PPP2R2D: variants seen among roughly 807,000 people sequenced by gnomAD.
The protein encoded by PPP2R2D is serine/threonine-protein phosphatase 2A 55 kDa regulatory subunit B delta isoform.
In PPP2R2D, 9 loss-of-function variants were observed where a neutral mutation model predicts 31.1. The observed-to-expected ratio is 0.29, with a 90% CI of 0.17 to 0.51. The LOEUF (loss-of-function observed/expected upper bound fraction) is 0.51. PPP2R2D is among the 20% of genes least tolerant of loss of function. The probability of loss-of-function intolerance (pLI) is 0.98; values close to 1 mark genes in which losing one functional copy is unlikely to be tolerated. For synonymous variants in PPP2R2D, 179 were observed against 172.6 expected (o/e 1.04, Z -0.29); for missense variants, 391 against 465.6 (o/e 0.84, Z 1.48).
At chr10:131,962,965 C>G (rs1028918154), downstream of PPP2R2D, among the ~76,000 whole-genome samples, 5 of 152,192 alleles carry the variant, frequency 3.3e-5, no homozygotes, top group Non-Finnish European at 7.3e-5. Context: ...GAGTTCAAGA[C>G]CAGCCTGGCC....
In PPP2R2D at chr10:131,945,161, T is replaced by C; in HGVS notation, c.656-134T>C. The C allele has an allele frequency of 9.5e-7, 1 of 1,047,890 alleles. No individual in the cohort carries two copies. The highest frequency in any genetic ancestry group is 3.0e-5 in the Admixed American group (1 of 32,992). The allele number at this position is 1,047,890 out of a possible 1,614,324, so 64.9% of individuals were successfully genotyped here. A position where few individuals can be genotyped will look rare whatever the true frequency, so the allele number is the denominator to read the frequency against. ...GCGCTCCTTTGGAATTCGGGATGTGTAACCAGCCTTCTTAATAGCTAATCC... is the reference window on the plus strand; with the variant it reads ...GCGCTCCTTTGGAATTCGGGATGTGCAACCAGCCTTCTTAATAGCTAATCC... On this transcript the variant is annotated intron_variant, in intron 6 of 8. Transcript: ENST00000455566. This position sits in a 1 kb window ranked among gnomAD's most constrained non-coding sequence, Gnocchi z 4.8.
chr10:131,928,418 GTCAGGGATCC>G (rs1442807895), intron 2 of PPP2R2D, among the ~76,000 whole-genome samples: 1 of 152,248 alleles, frequency 6.6e-6, no homozygotes, highest in African/African-American at 2.4e-5. Flanking sequence ...CATCATGTCT[GTCAGGGATCC>G]CTTTTGTTTT....
At chr10:131,905,911 G>A (rs1260410913) in intron 2 of PPP2R2D, among the ~76,000 whole-genome samples, 1 of 152,250 alleles carries the variant, frequency 6.6e-6, no homozygotes, top group Non-Finnish European at 1.5e-5. Flanking sequence ...TTACTACCAA[G>A]AGGCGTGTGA....
chr10:131,904,189 G>T (rs1176246470), intron 2 of PPP2R2D, among the ~76,000 whole-genome samples: 4 of 139,576 alleles, frequency 2.9e-5, no homozygotes, highest in Non-Finnish European at 4.6e-5. Context: ...GGGCGTCAGA[G>T]CGAGACTCCG....
intron 2 of PPP2R2D, among the ~76,000 whole-genome samples, chr10:131,917,175 A>T (rs2035816791): frequency 2.0e-5 from 2 of 101,886 alleles, no homozygotes; most frequent in Admixed American, 1.0e-4. Flanking sequence ...GTGGAATGAC[A>T]CAGCGTTTGT....
chr10:131,953,224 G>T (rs1260608012), intron 8 of PPP2R2D, among the ~76,000 whole-genome samples: 3 of 71,422 alleles, frequency 4.2e-5, no homozygotes, highest in African/African-American at 5.8e-5. Context: ...GTGTGTGGGG[G>T]GGTTCACTGT....
At chr10:131,948,146 G>A (rs1263814493) in intron 8 of PPP2R2D, among the ~76,000 whole-genome samples, 1 of 152,208 alleles carries the variant, frequency 6.6e-6, no homozygotes, top group African/African-American at 2.4e-5. Context: ...GAATGACCGC[G>A]TTGCAGTCTG....
intron 2 of PPP2R2D, among the ~76,000 whole-genome samples, chr10:131,902,313 C>T (rs1345766146): frequency 2.0e-5 from 3 of 152,162 alleles, no homozygotes; most frequent in Admixed American, 6.5e-5. Flanking sequence ...CCTCAAGTTA[C>T]TAAAAGCCCC....
At chr10:131,963,684 G>A (rs1363327779), downstream of PPP2R2D, among the ~76,000 whole-genome samples, 1 of 152,280 alleles carries the variant, frequency 6.6e-6, no homozygotes, top group Non-Finnish European at 1.5e-5. Flanking sequence ...CCCCCAGGCA[G>A]CGCGCTGACA....
intron 5 of PPP2R2D, 149 bp downstream of exon 5, chr10:131,940,843 T>G (rs2036429170): frequency 1.8e-6 from 1 of 544,176 alleles, no homozygotes; most frequent in Non-Finnish European, 3.3e-6. Flanking sequence ...TGCACTCATG[T>G]GTGTGTTTAA....
chr10:131,921,349 C>T (rs566537487), intron 2 of PPP2R2D, among the ~76,000 whole-genome samples: 5 of 152,294 alleles, frequency 3.3e-5, no homozygotes, highest in Non-Finnish European at 4.4e-5. Context: ...AAGGCGCTGC[C>T]CCACGCACCC....
At chr10:131,901,898 C>A (rs1364893664) in intron 2 of PPP2R2D, among the ~76,000 whole-genome samples, 1 of 152,220 alleles carries the variant, frequency 6.6e-6, no homozygotes, top group African/African-American at 2.4e-5. Context: ...TTGAATTTTA[C>A]TGTGAGGTAC....
In PPP2R2D at chr10:131,947,395, A is replaced by G; in HGVS notation, c.821-135A>G. ...AGATCAGAAAACCTAGAGAATCAGA[A>G]AGATCAGAAGACCTAGTGTTGAGGC... On this transcript the variant is annotated intron_variant, in intron 7 of 8. Coordinates refer to ENST00000455566, the MANE Select transcript of PPP2R2D (RefSeq NM_018461.5). This position sits in a 1 kb window ranked among gnomAD's most constrained non-coding sequence, Gnocchi z 4.3. The G allele has an allele frequency of 1.1e-6, 1 of 875,412 alleles. No individual in the cohort carries two copies. Among genetic ancestry groups the G allele is most frequent in the Non-Finnish European group, 1.7e-6 (1 of 588,088 alleles). 54.2% of individuals were successfully genotyped at this position (875,412 alleles called of 1,614,324 possible).
rs895252326 is a variant in PPP2R2D, at chr10:131,913,104, C to G, written c.100+11774C>G. On this transcript the variant is annotated intron_variant, in intron 2 of 8. Coordinates refer to ENST00000455566, the MANE Select transcript of PPP2R2D (RefSeq NM_018461.5). ...GTGGCACTATCTCGGCTCACTGCAACCTCCGCTTCCCAGGTTCAAACGGTT... is the reference window on the plus strand; with the variant it reads ...GTGGCACTATCTCGGCTCACTGCAAGCTCCGCTTCCCAGGTTCAAACGGTT... 1.2e-3 allele frequency among the ~76,000 whole-genome samples: 186 copies of G among 152,110 alleles called. 1 individual carries two copies. The highest frequency in any genetic ancestry group is 3.4e-3 in the Middle Eastern group (1 of 294).
At chr10:131,904,791 G>A (rs2035556433) in intron 2 of PPP2R2D, among the ~76,000 whole-genome samples, 2 of 152,192 alleles carry the variant, frequency 1.3e-5, no homozygotes, top group South Asian at 4.1e-4. Flanking sequence ...GATGCCCAGT[G>A]CACAGGAAGT....
At chr10:131,920,502 T>G (rs1016478435) in intron 2 of PPP2R2D, among the ~76,000 whole-genome samples, 7 of 152,274 alleles carry the variant, frequency 4.6e-5, no homozygotes, top group Middle Eastern at 3.2e-3. Flanking sequence ...GTGTCTGGCA[T>G]ATTTCACTAC....
chr10:131,963,768 G>A (rs1386533710), downstream of PPP2R2D, among the ~76,000 whole-genome samples: 4 of 151,976 alleles, frequency 2.6e-5, no homozygotes, highest in African/African-American at 9.7e-5. Flanking sequence ...CCTTCTTAGC[G>A]TTGTACTTTG....
chr10:131,952,802 C>T (rs1299642172), intron 8 of PPP2R2D, among the ~76,000 whole-genome samples: 20 of 98,694 alleles, frequency 2.0e-4, no homozygotes, highest in Non-Finnish European at 3.7e-5. Flanking sequence ...AGGGGGTTCA[C>T]TTAGCAGTGA....
At chr10:131,951,694 G>A (rs1396297613) in intron 8 of PPP2R2D, among the ~76,000 whole-genome samples, 1 of 152,122 alleles carries the variant, frequency 6.6e-6, no homozygotes, top group Non-Finnish European at 1.5e-5. Context: ...GGTGGTGCAT[G>A]CCTTTAATCC....
Sources: allele counts gnomAD v4.1 joint callset (sites outside exome capture counted in the v4.1 genomes callset), GRCh38; gene constraint gnomAD v4.1.1; non-coding constraint Gnocchi (gnomAD v3.1); transcripts MANE v1.5; gene names NCBI Gene and HGNC (gene_info 2026-07-23, HGNC 2026-07-21).